Variants in RAD51B observed in about 807,000 individuals in gnomAD.
The protein encoded by RAD51B is RAD51 paralog B, also known as DNA repair protein RAD51 homolog 2.
A neutral mutation model predicts 42.2 loss-of-function variants in RAD51B; 38 were observed. That is an observed-to-expected ratio of 0.90 (90% confidence interval 0.70 to 1.18). The LOEUF (loss-of-function observed/expected upper bound fraction) is 1.18. RAD51B is among the 50% of genes most tolerant of loss of function. The pLI is 0.00. For missense variants in RAD51B, 373 were observed against 400.7 expected (o/e 0.93, Z 0.59); for synonymous variants, 154 against 145.2 (o/e 1.06, Z -0.43).
chr14:67,930,075 A>C (rs757866161), intron 7 of RAD51B, among the ~76,000 whole-genome samples: 3 of 152,152 alleles, frequency 2.0e-5, no homozygotes, highest in Admixed American at 6.5e-5. Context: ...CTTTGAGTCT[A>C]TATGTGTCTT....
intron 9 of RAD51B, among the ~76,000 whole-genome samples, chr14:68,456,138 G>A (rs1489821627): frequency 6.6e-6 from 1 of 152,146 alleles, no homozygotes; most frequent in African/African-American, 2.4e-5. Flanking sequence ...AAAGAATGCA[G>A]TAATGACAGA....
intron 7 of RAD51B, among the ~76,000 whole-genome samples, chr14:68,144,057 C>T (rs1389479457): frequency 6.6e-6 from 1 of 151,870 alleles, no homozygotes; most frequent in Non-Finnish European, 1.5e-5. Context: ...TTTTTTTCCA[C>T]ATAAAACATA....
chr14:68,334,238 T>A (rs540500411), intron 8 of RAD51B, among the ~76,000 whole-genome samples: 1 of 152,230 alleles, frequency 6.6e-6, no homozygotes, highest in East Asian at 1.9e-4. Flanking sequence ...AGCCTACTGT[T>A]GATTGGAAGC....
intron 10 of RAD51B, chr14:68,469,213 T>A (rs1478447676): frequency 1.0e-5 from 4 of 384,414 alleles, no homozygotes; most frequent in Non-Finnish European, 2.3e-5. Context: ...GTTAAATATT[T>A]TTCCCAGGTT....
intron 9 of RAD51B, among the ~76,000 whole-genome samples, chr14:68,437,799 A>G (rs1443984816): frequency 6.6e-6 from 1 of 152,132 alleles, no homozygotes; most frequent in African/African-American, 2.4e-5. Flanking sequence ...CAGTGTAGCT[A>G]TCGTTGTTGG....
At chr14:68,642,046 T>C (rs973278090) in intron 10 of RAD51B, among the ~76,000 whole-genome samples, 2 of 152,232 alleles carry the variant, frequency 1.3e-5, no homozygotes, top group Non-Finnish European at 2.9e-5. Context: ...TTGTAAGAGA[T>C]AATTGGTATG....
chr14:68,409,536 A>G (rs906191189), intron 8 of RAD51B, among the ~76,000 whole-genome samples: 2 of 152,248 alleles, frequency 1.3e-5, no homozygotes, highest in African/African-American at 4.8e-5. Flanking sequence ...AAAGGAAAGG[A>G]GTAATCAACA....
intron 7 of RAD51B, among the ~76,000 whole-genome samples, chr14:68,091,418 A>G (rs2077097340): frequency 6.6e-6 from 1 of 151,980 alleles, no homozygotes. Context: ...ATGGTATCTC[A>G]TTGTGGTTTT....
intron 10 of RAD51B, among the ~76,000 whole-genome samples, chr14:68,575,591 C>T (rs537223805): frequency 6.6e-6 from 1 of 152,292 alleles, no homozygotes; most frequent in South Asian, 2.1e-4. Context: ...CTCCCCTCTC[C>T]CTCCCCAACG....
At chr14:68,505,832 C>T (rs940006115) in intron 10 of RAD51B, among the ~76,000 whole-genome samples, 14 of 152,256 alleles carry the variant, frequency 9.2e-5, no homozygotes, top group Admixed American at 8.5e-4. Context: ...GGATTACAGG[C>T]GTGAGCGACC....
In RAD51B at chr14:67,821,881, C is replaced by A. The variant is rs1431977822; in HGVS notation, c.-2-1661C>A. Among the ~76,000 whole-genome samples, 8 of 151,962 alleles carry A rather than the reference C, an allele frequency of 5.3e-5. No homozygotes were observed. In the South Asian group the frequency reaches 8.3e-4, roughly 16 times the overall value. On this transcript the variant is annotated intron_variant, in intron 1 of 10. Coordinates refer to ENST00000471583, the MANE Select transcript of RAD51B (RefSeq NM_133510.4). The stretch of plus-strand genomic sequence containing the variant: ...CTAGGCAATATTATAGCAGGTATCA[C>A]TTGGTTTTCTACTGGGGGAAACAAG...
chr14:68,413,526 A>G (rs559781539), intron 9 of RAD51B, among the ~76,000 whole-genome samples: 1 of 152,362 alleles, frequency 6.6e-6, no homozygotes, highest in African/African-American at 2.4e-5. Flanking sequence ...AAAATGGCCA[A>G]CCCAGGCAAA....
At chr14:68,633,441 T>C (rs1184563074) in intron 10 of RAD51B, among the ~76,000 whole-genome samples, 1 of 151,876 alleles carries the variant, frequency 6.6e-6, no homozygotes, top group African/African-American at 2.4e-5. Context: ...GCATTCGCAT[T>C]CCCCCCACGA....
intron 7 of RAD51B, among the ~76,000 whole-genome samples, chr14:68,277,423 G>A (rs1016901364): frequency 3.3e-5 from 5 of 152,112 alleles, no homozygotes; most frequent in Non-Finnish European, 5.9e-5. Context: ...CTCTTTTTCT[G>A]GGAGGTGCCC....
intron 9 of RAD51B, 68 bp downstream of exon 9, chr14:68,411,595 G>A (rs1306616113): frequency 6.2e-6 from 9 of 1,456,996 alleles, no homozygotes; most frequent in African/African-American, 4.2e-5. Flanking sequence ...CAATCTGAGC[G>A]TCTTCTGAAA....
chr14:68,120,637 T>C (rs1327178521), intron 7 of RAD51B, among the ~76,000 whole-genome samples: 2 of 151,474 alleles, frequency 1.3e-5, no homozygotes, highest in Middle Eastern at 3.4e-3. Flanking sequence ...TCAAGGTGGG[T>C]TTTTTTTTCT....
At chr14:68,000,410 G>A (rs540402635) in intron 7 of RAD51B, 1 of 152,246 alleles carries the variant, frequency 6.6e-6, no homozygotes, top group East Asian at 1.9e-4. Context: ...ACTTTTCTTA[G>A]ACTCTGGTAT....
intron 7 of RAD51B, among the ~76,000 whole-genome samples, chr14:67,945,163 A>T (rs2045346815): frequency 6.6e-6 from 1 of 152,214 alleles, no homozygotes; most frequent in Non-Finnish European, 1.5e-5. Context: ...TTTTCCACTG[A>T]TTAAATGGTA....
At chr14:68,268,997 C>G (rs970444955) in intron 7 of RAD51B, among the ~76,000 whole-genome samples, 1 of 152,212 alleles carries the variant, frequency 6.6e-6, no homozygotes, top group African/African-American at 2.4e-5. Flanking sequence ...CTTGGCCACC[C>G]TGAGAAGATG....
Sources: allele counts gnomAD v4.1 joint callset (sites outside exome capture counted in the v4.1 genomes callset), GRCh38; gene constraint gnomAD v4.1.1; transcripts MANE v1.5; gene names NCBI Gene and HGNC (gene_info 2026-07-23, HGNC 2026-07-21).